SELENOI: variants seen among roughly 807,000 people sequenced by gnomAD.
The protein encoded by SELENOI is ethanolaminephosphotransferase 1.
SELENOI carries 24 observed loss-of-function variants against 50.7 expected under a neutral mutation model. The ratio of observed to expected loss-of-function variants is 0.47; its 90% CI spans 0.34 to 0.67. SELENOI has a LOEUF of 0.67. Among genes scored for constraint, SELENOI ranks in the 30% least tolerant of loss-of-function variants. The pLI, the probability that SELENOI is intolerant of heterozygous loss-of-function variation, is 0.01. For missense variants in SELENOI, 352 were observed against 461.4 expected (o/e 0.76, Z 2.17); for synonymous variants, 155 against 170.2 (o/e 0.91, Z 0.70).
At position 26,386,438 on chromosome 2, in the gene SELENOI, G is replaced by C. The variant is rs760985844; in HGVS notation, c.997G>C (p.Val333Leu). 6.6e-5 allele frequency: 107 copies of C among 1,613,864 alleles called. 1 individual carries two copies. The East Asian group carries it at 2.3e-3, about 34-fold the overall frequency. ...GGTTCCTCTCTTCTTGGTTGTCTTA[G>C]TGGTAAACCTAGGAGTAGCCTCTTA... is the stretch of plus-strand genomic sequence containing the variant. The part of the protein sequence containing the change: ...LLVPLFLVVL[V>L]VNLGVASYVE... Residue 333 changes from valine to leucine, a missense_variant, in exon 9 of 10, where the codon GTG (valine) becomes CTG (leucine). By Grantham distance (32) the Val-to-Leu change is conservative (BLOSUM62 1). Transcript: ENST00000260585.
rs6748996 is a variant in SELENOI at position 26,367,216 on chromosome 2, T to A, written c.306T>A (p.Thr102=). ...VVGILNFVAY[T]LDGVDGKQAR... is the part of the protein sequence containing the mutation. ...GCATCCTCAACTTCGTAGCCTACAC[T>A]CTAGGTAAGGAATTGGTAAATACTT... The change falls in exon 4 of 10, where the codon ACT becomes ACA. Residue 102 remains threonine, a synonymous_variant. Transcript: ENST00000260585. The A allele has an allele frequency of 1.2e-5, 20 of 1,605,572 alleles. No individual in the cohort carries two copies. Among genetic ancestry groups the A allele is most frequent in the Non-Finnish European group, 1.6e-5 (19 of 1,175,600 alleles).
intron 8 of SELENOI, among the ~76,000 whole-genome samples, 194 bp downstream of exon 8, chr2:26,385,333 G>C (rs1019571828): frequency 6.6e-6 from 1 of 152,086 alleles, no homozygotes; most frequent in Non-Finnish European, 1.5e-5. Flanking sequence ...AAACCAATAG[G>C]ATTGGAGACT....
Position 26,364,935 on chromosome 2 carries a change from C to A in SELENOI, c.230C>A (p.Ala77Asp). Reference protein sequence around the residue: ...LMAYFDPDFYASAPGHKHVPD... With the variant: ...LMAYFDPDFYDSAPGHKHVPD... Reference sequence around the variant, plus strand: ...GCATACTTTGATCCTGACTTTTATGCCTCAGGTAAGAATATTACTTTATTA... The same window carrying A: ...GCATACTTTGATCCTGACTTTTATGACTCAGGTAAGAATATTACTTTATTA... Residue 77 changes from alanine (A) to aspartate (D), a missense_variant, in exon 3 of 10, where the codon GCC becomes GAC. By Grantham distance (126) the Ala-to-Asp change is moderately radical. Transcript: ENST00000260585. The A allele has an allele frequency of 6.3e-7, 1 of 1,589,200 alleles. No individual in the cohort carries two copies. The highest frequency in any genetic ancestry group is 8.6e-7 in the Non-Finnish European group (1 of 1,166,082).
chr2:26,367,273 A>G (rs929796853), intron 4 of SELENOI, 53 bp downstream of exon 4: 4 of 1,338,636 alleles, frequency 3.0e-6, no homozygotes, highest in Non-Finnish European at 3.1e-6. Context: ...ATCAGCAAGG[A>G]TAGCCACGTA....
At chr2:26,357,860 C>G (rs1406604688) in intron 1 of SELENOI, among the ~76,000 whole-genome samples, 1 of 138,040 alleles carries the variant, frequency 7.2e-6, no homozygotes, top group Admixed American at 7.2e-5. Context: ...TCCCATAATT[C>G]CCACGAATTG....
At position 26,349,030 on chromosome 2, in the gene SELENOI, T is replaced by C. The variant is rs1193013966; in HGVS notation, c.57+2741T>C. On this transcript the variant is annotated intron_variant, in intron 1 of 9. Coordinates refer to ENST00000260585, the MANE Select transcript of SELENOI (RefSeq NM_033505.4). ...TTTTTTTTTTTTTTTTTTTTTTTTT[T>C]TGGAGATGGAGGTTTGCTCTTGTTG... 1.2e-4 allele frequency among the ~76,000 whole-genome samples: 10 copies of C among 82,636 alleles called. No individual in the cohort carries two copies. The East Asian group carries it at 3.7e-3, about 31-fold the overall frequency. The allele number at this position is 82,636 out of a possible 152,430, so 54.2% of individuals were successfully genotyped here. A position where few individuals can be genotyped will look rare whatever the true frequency, so the allele number is the denominator to read the frequency against.
chr2:26,389,700 A>G lies in SELENOI; in HGVS notation c.*597A>G, dbSNP rs1305591570. On this transcript the variant is annotated 3_prime_UTR_variant, in exon 10 of 10. Transcript: ENST00000260585. ...ATATTCTAGCTCTCTTTATTATGGA[A>G]CAGATCTTGATAGATGGTTTAATTT... 1 of 152,806 alleles carries G rather than the reference A, an allele frequency of 6.5e-6. No homozygotes were observed. Among genetic ancestry groups the G allele is most frequent in the Non-Finnish European group, 1.5e-5 (1 of 68,166 alleles). The allele number at this position is 152,806 out of a possible 1,614,324, so 9.5% of individuals were successfully genotyped here. A position where few individuals can be genotyped will look rare whatever the true frequency, so the allele number is the denominator to read the frequency against.
At chr2:26,371,214 C>G (rs1356456680) in intron 4 of SELENOI, among the ~76,000 whole-genome samples, 1 of 151,286 alleles carries the variant, frequency 6.6e-6, no homozygotes, top group Non-Finnish European at 1.5e-5. Flanking sequence ...CTCCTCACTT[C>G]CCAGACGGGG....
chr2:26,385,497 G>A (rs1261769679), intron 8 of SELENOI, among the ~76,000 whole-genome samples: 2 of 152,188 alleles, frequency 1.3e-5, no homozygotes, highest in South Asian at 2.1e-4. Context: ...ATTCTAGGAA[G>A]CTTGGAAGAG....
intron 4 of SELENOI, among the ~76,000 whole-genome samples, chr2:26,369,236 C>T (rs1221371562): frequency 6.6e-6 from 1 of 152,182 alleles, no homozygotes; most frequent in African/African-American, 2.4e-5. Flanking sequence ...TGGTGATTCT[C>T]ACTCTACAGT....
intron 1 of SELENOI, among the ~76,000 whole-genome samples, chr2:26,348,447 T>C (rs754582823): frequency 8.5e-5 from 13 of 152,236 alleles, no homozygotes; most frequent in Non-Finnish European, 1.3e-4. Context: ...CTGACAGATA[T>C]ACAGAATAAC....
intron 5 of SELENOI, among the ~76,000 whole-genome samples, chr2:26,374,635 C>A (rs1175484625): frequency 7.3e-6 from 1 of 137,738 alleles, no homozygotes; most frequent in Non-Finnish European, 1.5e-5. Context: ...ATGGTGTGAT[C>A]TCGGCTCACC....
In SELENOI at chr2:26,393,951, C is replaced by T. The variant is rs567080278; in HGVS notation, c.*4848C>T. ...TTTAAGGTTTTTATTAAAATATATA[C>T]AATTTGCCATAAATTCTAGATTCTG... is the stretch of plus-strand genomic sequence containing the variant. On this transcript the variant is annotated 3_prime_UTR_variant, in exon 10 of 10. Coordinates refer to ENST00000260585, the MANE Select transcript of SELENOI (RefSeq NM_033505.4). 1.3e-5 allele frequency: 2 copies of T among 152,262 alleles called. No homozygotes were observed. The highest frequency in any genetic ancestry group is 3.9e-4 in the East Asian group (2 of 5,186). 9.4% of individuals were successfully genotyped at this position (152,262 alleles called of 1,614,324 possible).
chr2:26,388,546 A>G (rs1677896235), intron 9 of SELENOI, among the ~76,000 whole-genome samples: 1 of 152,226 alleles, frequency 6.6e-6, no homozygotes, highest in African/African-American at 2.4e-5. Context: ...TCGCTGACCT[A>G]TAACTAAGCT....
intron 3 of SELENOI, among the ~76,000 whole-genome samples, chr2:26,366,769 G>GAAGGCTC (rs897009492): frequency 4.3e-4 from 65 of 152,288 alleles, no homozygotes; most frequent in African/African-American, 1.4e-3. Flanking sequence ...AGGATAAGGT[G>GAAGGCTC]AAGGCTCAAT....
At chr2:26,386,631 AAAG>A (rs1400595528) in intron 9 of SELENOI, 95 bp downstream of exon 9, 22 of 1,105,230 alleles carry the variant, frequency 2.0e-5, no homozygotes, top group Middle Eastern at 2.1e-4. Context: ...AAAATTTTAA[AAAG>A]AAAGTTGCTT....
chr2:26,376,042 C>T (rs749264202), intron 6 of SELENOI, among the ~76,000 whole-genome samples: 1 of 149,126 alleles, frequency 6.7e-6, no homozygotes, highest in Non-Finnish European at 1.5e-5. Flanking sequence ...GAGCTATGAT[C>T]GCATGTGCCA....
At chr2:26,370,935 CCCCCACCTCCCT>C (rs1677418828) in intron 4 of SELENOI, among the ~76,000 whole-genome samples, 1 of 97,080 alleles carries the variant, frequency 1.0e-5, no homozygotes, top group Non-Finnish European at 2.4e-5. Flanking sequence ...GGGGCTGACC[CCCCCACCTCCCT>C]CCCGGATGGG....
intron 9 of SELENOI, among the ~76,000 whole-genome samples, chr2:26,388,604 T>G (rs923922285): frequency 6.6e-6 from 1 of 152,196 alleles, no homozygotes; most frequent in Non-Finnish European, 1.5e-5. Context: ...CTCTCCAAAT[T>G]CATAGATCTA....
Sources: allele counts gnomAD v4.1 joint callset (sites outside exome capture counted in the v4.1 genomes callset), GRCh38; gene constraint gnomAD v4.1.1; transcripts MANE v1.5; gene names NCBI Gene and HGNC (gene_info 2026-07-23, HGNC 2026-07-21).